DST: variants seen among roughly 807,000 people sequenced by gnomAD.
DST encodes the protein dystonin, also known as bullous pemphigoid antigen.
A neutral mutation model predicts 875.2 loss-of-function variants in DST; 253 were observed. The observed-to-expected ratio is 0.29, with a 90% CI of 0.26 to 0.32. The LOEUF is 0.32. Among genes scored for constraint, DST ranks in the 10% least tolerant of loss-of-function variants. DST has a pLI of 1.00. For synonymous variants in DST, 3,124 were observed against 3,197.1 expected, an observed-to-expected ratio of 0.98 and a Z score of 0.77; for missense variants, 8,287 against 9,111.6, an observed-to-expected ratio of 0.91 and a Z score of 3.68.
In DST at chr6:56,605,302, A is replaced by G; in HGVS notation, c.9326T>C (p.Leu3109Pro). 1 of 1,611,666 alleles carries G rather than the reference A, an allele frequency of 6.2e-7. No individual in the cohort carries two copies. The highest frequency in any genetic ancestry group is 8.5e-7 in the Non-Finnish European group (1 of 1,178,900). ...TTTAAGAGTTACAGTTGCTTTTTTA[A>G]GGCTTCCTTTCTGATTAAGTTCTTC... ...NNEELNQKGS[L>P]KKATVTLKDE... Residue 3109 changes from leucine (L) to proline (P), a missense_variant, in exon 40 of 104, where the codon CTT (leucine) becomes CCT (proline). Leu to Pro is a moderately conservative substitution (Grantham distance 98). Coordinates refer to ENST00000680361, the MANE Select transcript of DST (RefSeq NM_001374736.1).
intron 98 of DST, chr6:56,467,621 A>G (rs1236910574): frequency 1.3e-5 from 2 of 152,146 alleles, no homozygotes; most frequent in Non-Finnish European, 2.9e-5. Flanking sequence ...GGAACCAGAT[A>G]ATGGGACTAG....
At chr6:56,624,275 T>G in intron 36 of DST, 1 of 613,926 alleles carries the variant, frequency 1.6e-6, no homozygotes. Context: ...AACCCCACCA[T>G]ATTAGAGTCC....
At chr6:56,787,295 A>G (rs1394244743) in intron 4 of DST, among the ~76,000 whole-genome samples, 6 of 152,224 alleles carry the variant, frequency 3.9e-5, no homozygotes, top group African/African-American at 1.4e-4. Flanking sequence ...CACAAAAAAT[A>G]AGGCTGTGTC....
At chr6:56,709,443 G>GT (rs1161538850) in intron 5 of DST, among the ~76,000 whole-genome samples, 1 of 152,058 alleles carries the variant, frequency 6.6e-6, no homozygotes, top group African/African-American at 2.4e-5. Context: ...GTTTTATATA[G>GT]GCTAAATCAA....
chr6:56,646,024 C>T, intron 14 of DST, 31 bp from the exon 15 acceptor site: 1 of 1,600,082 alleles, frequency 6.2e-7, no homozygotes, highest in Non-Finnish European at 8.5e-7. Flanking sequence ...TAATGTGAAG[C>T]AAAAATGAAA....
In DST at chr6:56,506,746, A is replaced by G. The variant is rs372275596; in HGVS notation, c.19283T>C (p.Ile6428Thr). ...GAGTTCAGAACCTAGGTTAATAACT[A>G]TATCCAGCTCCTCCTGTAGTCCATC... ...EIDGLQEELD[I>T]VINLGSELIA... The change falls in exon 76 of 104, where the codon ATA (isoleucine) becomes ACA (threonine). Residue 6428 changes from isoleucine (I) to threonine (T), a missense_variant. Ile to Thr is a moderately conservative substitution (Grantham distance 89). Transcript: ENST00000680361. 1 of 1,613,408 alleles carries G rather than the reference A, an allele frequency of 6.2e-7. No individual in the cohort carries two copies. The highest frequency in any genetic ancestry group is 1.3e-5 in the African/African-American group (1 of 74,906).
chr6:56,482,687 C>A lies in DST; in HGVS notation c.21398G>T (p.Arg7133Leu). The A allele has an allele frequency of 3.1e-6, 5 of 1,612,526 alleles. No individual in the cohort carries two copies. The highest frequency in any genetic ancestry group is 4.2e-6 in the Non-Finnish European group (5 of 1,179,108). ...SKQTRLEAAL[R>L]QAEEFHSVVH... ...TCTCATTTACATGGTTTTTACCTGA[C>A]GCAGGGCTGCTTCTAACCGTGTTTG... Residue 7133 changes from arginine to leucine, a missense_variant, in exon 89 of 104, where the codon CGT (arginine) becomes CTT (leucine). By Grantham distance (102) the Arg-to-Leu change is moderately radical. Coordinates refer to ENST00000680361, the MANE Select transcript of DST (RefSeq NM_001374736.1).
intron 102 of DST, chr6:56,461,789 A>G (rs985734469): frequency 1.3e-5 from 2 of 152,228 alleles, no homozygotes; most frequent in South Asian, 2.1e-4. Flanking sequence ...TGTTTTTGCT[A>G]TAATAGATCC....
intron 4 of DST, chr6:56,843,210 T>A: frequency 7.0e-7 from 1 of 1,421,518 alleles, no homozygotes; most frequent in African/African-American, 1.4e-5. Context: ...CCGGACAGTA[T>A]CGCAGTCAGC....
intron 2 of DST, among the ~76,000 whole-genome samples, chr6:56,928,673 C>A (rs1003459438): frequency 2.0e-5 from 3 of 152,118 alleles, no homozygotes; most frequent in Non-Finnish European, 4.4e-5. Flanking sequence ...TGTTATTACA[C>A]TTGGAAAACC....
intron 4 of DST, among the ~76,000 whole-genome samples, chr6:56,760,248 G>C (rs942505486): frequency 2.0e-5 from 3 of 152,166 alleles, no homozygotes; most frequent in African/African-American, 2.4e-5. Flanking sequence ...ACATGATTAA[G>C]CCATGTTTTG....
chr6:56,947,647 G>T (rs985705728), intron 2 of DST, among the ~76,000 whole-genome samples: 9 of 152,176 alleles, frequency 5.9e-5, no homozygotes, highest in Non-Finnish European at 2.9e-5. Flanking sequence ...TAGTATACAC[G>T]AATCATTTTT....
At position 56,605,576 on chromosome 6, in the gene DST, C is replaced by A. The variant is rs2098487330; in HGVS notation, c.9052G>T (p.Ala3018Ser). 1 of 1,612,964 alleles carries A rather than the reference C, an allele frequency of 6.2e-7. No individual in the cohort carries two copies. Among genetic ancestry groups the A allele is most frequent in the Admixed American group, 1.7e-5 (1 of 59,922 alleles). The change falls in exon 40 of 104, where the codon GCC (alanine) becomes TCC (serine). Residue 3018 changes from alanine (A) to serine (S), a missense_variant. Ala to Ser is a moderately conservative substitution (Grantham distance 99). Coordinates refer to ENST00000680361, the MANE Select transcript of DST (RefSeq NM_001374736.1). ...TGAGGATCTTTGTCAGTTACAGAGGCTATCAATGACAAATGGCTTTCCTCA... is the reference window on the plus strand; with the variant it reads ...TGAGGATCTTTGTCAGTTACAGAGGATATCAATGACAAATGGCTTTCCTCA... ...PAEESHLSLIASVTDKDPQGN... is the reference protein window; with the variant it reads ...PAEESHLSLISSVTDKDPQGN...
At chr6:56,935,029 G>A (rs976440511) in intron 2 of DST, among the ~76,000 whole-genome samples, 1 of 151,982 alleles carries the variant, frequency 6.6e-6, no homozygotes, top group East Asian at 1.9e-4. Flanking sequence ...CAGTATCTCC[G>A]TTTTCCTAAG....
At chr6:56,615,996 C>G (rs772179591) in intron 36 of DST, 1 of 1,614,192 alleles carries the variant, frequency 6.2e-7, no homozygotes, top group East Asian at 2.2e-5. Context: ...GTAAGAGGAT[C>G]AATTATGCCC....
chr6:56,526,685 C>T lies in DST; in HGVS notation c.17923-118G>A, dbSNP rs967282172. 5.4e-5 allele frequency: 46 copies of T among 853,456 alleles called. No individual in the cohort carries two copies. In the Middle Eastern group the frequency reaches 1.5e-3, roughly 27 times the overall value. The allele number at this position is 853,456 out of a possible 1,614,324, so 52.9% of individuals were successfully genotyped here. On this transcript the variant is annotated intron_variant, in intron 68 of 103. Coordinates refer to ENST00000680361, the MANE Select transcript of DST (RefSeq NM_001374736.1). ...AATGTGATGCTTTGCCCCACTCCCCCCCTCCCTTAGTTTCAGTCGAGTTAA... is the reference window on the plus strand; with the variant it reads ...AATGTGATGCTTTGCCCCACTCCCCTCCTCCCTTAGTTTCAGTCGAGTTAA...
At chr6:56,950,656 C>T (rs1363149357) in intron 2 of DST, among the ~76,000 whole-genome samples, 1 of 152,104 alleles carries the variant, frequency 6.6e-6, no homozygotes, top group African/African-American at 2.4e-5. Flanking sequence ...AGCTGTTTAG[C>T]ATAACAAGAA....
chr6:56,508,140 T>C (rs751004052), intron 75 of DST, among the ~76,000 whole-genome samples: 6 of 152,108 alleles, frequency 3.9e-5, no homozygotes, highest in Non-Finnish European at 8.8e-5. Flanking sequence ...GTTCAAGTGA[T>C]TCTCATGCTT....
chr6:56,597,461 G>A (rs952021680), intron 47 of DST, among the ~76,000 whole-genome samples: 4 of 152,084 alleles, frequency 2.6e-5, no homozygotes, highest in African/African-American at 7.2e-5. Flanking sequence ...GAACTTAGAA[G>A]AGTGCCCACT....
Sources: gnomAD v4.1 joint callset for allele counts (sites outside exome capture counted in the v4.1 genomes callset) on GRCh38, gnomAD v4.1.1 for gene constraint, MANE v1.5 for transcripts, NCBI Gene and HGNC (gene_info 2026-07-23, HGNC 2026-07-21) for gene names.